Variants in PLOD1 observed in about 807,000 individuals in gnomAD.
The protein encoded by PLOD1 is lysine hydroxylase.
Under a neutral mutation model 94.7 loss-of-function variants are expected in PLOD1, and 70 were observed. That is an observed-to-expected ratio of 0.74 (90% CI 0.61 to 0.90). PLOD1 has a LOEUF of 0.90. Among genes scored for constraint, PLOD1 ranks in the 40% least tolerant of loss-of-function variants. The pLI is 0.00. For missense variants in PLOD1, 905 were observed against 972.7 expected, an observed-to-expected ratio of 0.93 and a Z score of 0.93; for synonymous variants, 417 against 400.2, an observed-to-expected ratio of 1.04 and a Z score of -0.50.
At position 11,974,666 on chromosome 1, in the gene PLOD1, G is replaced by A. The variant is rs755654001; in HGVS notation, c.2042G>A (p.Arg681Gln). 1.3e-5 allele frequency: 21 copies of A among 1,613,610 alleles called. No individual in the cohort carries two copies. The highest frequency in any genetic ancestry group is 7.7e-5 in the South Asian group (7 of 91,072). The change falls in exon 19 of 19, where the codon CGG becomes CAG. Residue 681 changes from arginine (R) to glutamine (Q), a missense_variant. Physicochemically the swap from Arg to Gln is conservative, Grantham distance 43. Coordinates refer to ENST00000196061, the MANE Select transcript of PLOD1 (RefSeq NM_000302.4). The part of the protein sequence containing the change: ...VGVDYEGGGC[R>Q]FLRYNCSIRA... ...TCTGTCTCCCAGGGCGGGGGCTGTC[G>A]GTTCCTGCGCTACAACTGTTCCATC... is the stretch of plus-strand genomic sequence containing the variant.
chr1:11,944,991 A>G (rs1433916992), intron 1 of PLOD1, among the ~76,000 whole-genome samples: 3 of 152,178 alleles, frequency 2.0e-5, no homozygotes, highest in Non-Finnish European at 4.4e-5. Flanking sequence ...CCAGGGAAAC[A>G]ATGATGAGCA....
Position 11,957,994 on chromosome 1 carries a change from C to T in PLOD1, c.843+51C>T, listed in dbSNP as rs542453653. The T allele has an allele frequency of 1.2e-5, 14 of 1,166,296 alleles. No individual in the cohort carries two copies. In the African/African-American group the frequency reaches 1.8e-4, roughly 15 times the overall value. 72.2% of individuals were successfully genotyped at this position (1,166,296 alleles called of 1,614,324 possible). A position where few individuals can be genotyped will look rare whatever the true frequency, so the allele number is the denominator to read the frequency against. ...TGAGGGACACGGGGGGCTCAGTCCCCTGAGATGGCGAGATGGGTGATTCTG... is the reference window on the plus strand; with the variant it reads ...TGAGGGACACGGGGGGCTCAGTCCCTTGAGATGGCGAGATGGGTGATTCTG... On this transcript the variant is annotated intron_variant, in intron 8 of 18. Transcript: ENST00000196061. The surrounding 1 kb of genome is among the most constrained non-coding windows in gnomAD (Gnocchi z 4.1).
chr1:11,941,542 A>G (rs138715539), intron 1 of PLOD1, among the ~76,000 whole-genome samples: 3,825 of 152,016 alleles, frequency 0.025, 160 homozygotes, highest in African/African-American at 0.087. Context: ...GTGCAATGGC[A>G]CAATCTGGGC....
At chr1:11,948,792 A>G (rs1645675882) in intron 2 of PLOD1, among the ~76,000 whole-genome samples, 2 of 152,122 alleles carry the variant, frequency 1.3e-5, no homozygotes, top group Non-Finnish European at 2.9e-5. Flanking sequence ...GACCACTGGC[A>G]TGGGCTTGGT....
chr1:11,967,615 A>ATATATATATATATATATATATATAT (rs58447090), intron 16 of PLOD1, among the ~76,000 whole-genome samples: 2 of 103,968 alleles, frequency 1.9e-5, no homozygotes, highest in East Asian at 3.6e-4. Flanking sequence ...ATATATATAT[A>ATATATATATATATATATATATATAT]AAAAGAAATA....
intron 17 of PLOD1, chr1:11,971,685 ATCTT>A (rs1645864951): frequency 6.6e-6 from 1 of 152,142 alleles, no homozygotes; most frequent in Admixed American, 6.6e-5. Context: ...GCTCTTTTGA[ATCTT>A]TCTTCCTTGT....
chr1:11,964,523 C>G, intron 12 of PLOD1, 121 bp from the exon 13 acceptor site: 1 of 1,040,536 alleles, frequency 9.6e-7, no homozygotes, highest in South Asian at 1.3e-5. Flanking sequence ...CCCCCCTAGC[C>G]TGTGACTTCC....
intron 16 of PLOD1, among the ~76,000 whole-genome samples, chr1:11,968,745 T>C (rs1000228206): frequency 1.3e-5 from 2 of 151,712 alleles, no homozygotes; most frequent in African/African-American, 2.4e-5. Flanking sequence ...ACTCCTGACC[T>C]CATGTTGTGA....
intron 3 of PLOD1, 29 bp downstream of exon 3, chr1:11,949,935 G>T: frequency 6.2e-7 from 1 of 1,608,910 alleles, no homozygotes; most frequent in South Asian, 1.1e-5. Context: ...CCTAGCCTGG[G>T]CCCCTCCGCG....
chr1:11,937,948 A>AT (rs1645591048), intron 1 of PLOD1, among the ~76,000 whole-genome samples: 3 of 102,598 alleles, frequency 2.9e-5, no homozygotes, highest in Non-Finnish European at 6.2e-5. Flanking sequence ...TTAAGTTTTC[A>AT]TTTTCTTTTT....
chr1:11,964,513 C>T, intron 12 of PLOD1, 131 bp from the exon 13 acceptor site: 3 of 952,362 alleles, frequency 3.2e-6, no homozygotes, highest in Non-Finnish European at 5.1e-6. Context: ...CACAATTGTG[C>T]CCCCCTAGCC....
At position 11,975,029 on chromosome 1, in the gene PLOD1, C is replaced by A. The variant is rs1210312881; in HGVS notation, c.*221C>A. 3.3e-6 allele frequency: 2 copies of A among 610,906 alleles called. No individual in the cohort carries two copies. The highest frequency in any genetic ancestry group is 1.9e-5 in the African/African-American group (1 of 53,944). The allele number at this position is 610,906 out of a possible 1,614,324, so 37.8% of individuals were successfully genotyped here. A position where few individuals can be genotyped will look rare whatever the true frequency, so the allele number is the denominator to read the frequency against. On this transcript the variant is annotated 3_prime_UTR_variant, in exon 19 of 19. Transcript: ENST00000196061. ...GCTCTCCGTGGTGTTCTGGACCCAGCCCCTGGAGACACCATTCACTTTTAC... is the reference window on the plus strand; with the variant it reads ...GCTCTCCGTGGTGTTCTGGACCCAGACCCTGGAGACACCATTCACTTTTAC...
intron 5 of PLOD1, among the ~76,000 whole-genome samples, chr1:11,953,335 C>T (rs1300665904): frequency 2.0e-5 from 3 of 150,954 alleles, no homozygotes; most frequent in Admixed American, 6.6e-5. Flanking sequence ...GGATTACAGT[C>T]GTGAGCCACC....
At position 11,958,519 on chromosome 1, in the gene PLOD1, G is replaced by A; in HGVS notation, c.847G>A (p.Glu283Lys). ...GLRSLKGIGD[E>K]ALPTVLVGVF... is the part of the protein sequence containing the mutation. ...TGTGCCGCCCTCCCTGGTGCAGGATGAAGCTCTGCCCACGGTCCTGGTCGG... is the reference window on the plus strand; with the variant it reads ...TGTGCCGCCCTCCCTGGTGCAGGATAAAGCTCTGCCCACGGTCCTGGTCGG... The change falls in exon 9 of 19, where the codon GAA (glutamate) becomes AAA (lysine). Residue 283 changes from glutamate to lysine, a missense_variant. Physicochemically the swap from Glu to Lys is moderately conservative, Grantham distance 56. Transcript: ENST00000196061. This position sits in a 1 kb window ranked among gnomAD's most constrained non-coding sequence, Gnocchi z 4.3. The A allele has an allele frequency of 6.2e-7, 1 of 1,613,728 alleles. No individual in the cohort carries two copies. The highest frequency in any genetic ancestry group is 8.5e-7 in the Non-Finnish European group (1 of 1,179,906).
At chr1:11,947,268 C>CA (rs548608489) in intron 1 of PLOD1, among the ~76,000 whole-genome samples, 14 of 144,850 alleles carry the variant, frequency 9.7e-5, no homozygotes, top group Non-Finnish European at 1.7e-4. Flanking sequence ...AACAAACAAA[C>CA]AAAAAAAACA....
rs1645745905 is a variant in PLOD1 at position 11,957,297 on chromosome 1, C to T, written c.741+283C>T. 1.5e-6 allele frequency: 1 copy of T among 648,498 alleles called. No homozygotes were observed. The highest frequency in any genetic ancestry group is 1.4e-5 in the South Asian group (1 of 71,104). The allele number at this position is 648,498 out of a possible 1,614,324, so 40.2% of individuals were successfully genotyped here. ...TACCAGAGCCATCTGCACTGTCACC[C>T]CAGGGCAGAGTCACTTATTCACTCA... On this transcript the variant is annotated intron_variant, in intron 7 of 18. Transcript: ENST00000196061. This position sits in a 1 kb window ranked among gnomAD's most constrained non-coding sequence, Gnocchi z 4.1.
chr1:11,946,919 T>C (rs901321902), intron 1 of PLOD1, among the ~76,000 whole-genome samples: 9 of 152,162 alleles, frequency 5.9e-5, no homozygotes, highest in Non-Finnish European at 1.3e-4. Context: ...ATGGCAGGCA[T>C]GTCACATGGT....
chr1:11,964,138 G>T (rs2100757644), intron 11 of PLOD1, 37 bp from the exon 12 acceptor site: 1 of 1,611,418 alleles, frequency 6.2e-7, no homozygotes, highest in Non-Finnish European at 8.5e-7. Flanking sequence ...ACTCCCAGTG[G>T]GCAGCGACCT....
In PLOD1 at chr1:11,963,699, C is replaced by T. The variant is rs1645795057; in HGVS notation, c.1202+63C>T. 9.6e-7 allele frequency: 1 copy of T among 1,037,150 alleles called. No homozygotes were observed. Among genetic ancestry groups the T allele is most frequent in the Non-Finnish European group, 1.5e-6 (1 of 675,900 alleles). 64.2% of individuals were successfully genotyped at this position (1,037,150 alleles called of 1,614,324 possible). On this transcript the variant is annotated intron_variant, in intron 11 of 18. Coordinates refer to ENST00000196061, the MANE Select transcript of PLOD1 (RefSeq NM_000302.4). This position sits in a 1 kb window ranked among gnomAD's most constrained non-coding sequence, Gnocchi z 4.3. ...CTGGCCTGGTCCTGGGGTGGCAGCCCTCCTTGCCTTCCTCCTCCTCCTCCT... is the reference window on the plus strand; with the variant it reads ...CTGGCCTGGTCCTGGGGTGGCAGCCTTCCTTGCCTTCCTCCTCCTCCTCCT...
Sources: gnomAD v4.1 joint callset for allele counts (sites outside exome capture counted in the v4.1 genomes callset) on GRCh38, gnomAD v4.1.1 for gene constraint, Gnocchi (gnomAD v3.1) non-coding constraint, MANE v1.5 for transcripts, NCBI Gene and HGNC (gene_info 2026-07-23, HGNC 2026-07-21) for gene names.